CCL28: variants seen among roughly 807,000 people sequenced by gnomAD.
CCL28 encodes the protein C-C motif chemokine 28.
A neutral mutation model predicts 7.1 loss-of-function variants in CCL28; 4 were observed. The ratio of observed to expected loss-of-function variants is 0.56; its 90% confidence interval spans 0.28 to 1.29. CCL28 has a LOEUF of 1.29. Among genes scored for constraint, CCL28 ranks in the 50% most tolerant of loss-of-function variants. CCL28 has a pLI of 0.11. For synonymous variants in CCL28, 55 were observed against 57.8 expected, an observed-to-expected ratio of 0.95 and a Z score of 0.22; for missense variants, 151 against 163.4, an observed-to-expected ratio of 0.92 and a Z score of 0.41.
intron 1 of CCL28, among the ~76,000 whole-genome samples, chr5:43,410,243 A>C (rs551598256): frequency 6.2e-4 from 95 of 152,274 alleles, no homozygotes; most frequent in Non-Finnish European, 7.6e-4. Flanking sequence ...AGAATCACTT[A>C]AGTGCCTCCC....
At chr5:43,359,189 GAGAAAGACAC>G in the CCL28 span, among the ~76,000 whole-genome samples, 2 of 152,190 alleles carry the variant, frequency 1.3e-5, no homozygotes, top group Admixed American at 6.5e-5. Context: ...GAAGAATTAA[GAGAAAGACAC>G]AGAAATATAG....
At chr5:43,369,286 G>T in the CCL28 span, among the ~76,000 whole-genome samples, 76,862 of 151,878 alleles carry the variant, frequency 0.51, 19,989 homozygotes, top group Middle Eastern at 0.62. Context: ...CTCATTAGTT[G>T]GTTAATTTCT....
intron 1 of CCL28, among the ~76,000 whole-genome samples, chr5:43,406,834 C>T (rs888036102): frequency 6.6e-6 from 1 of 152,088 alleles, no homozygotes; most frequent in Non-Finnish European, 1.5e-5. Flanking sequence ...ACAAGCATTC[C>T]TATACACCAA....
chr5:43,369,314 T>C, the CCL28 span, among the ~76,000 whole-genome samples: 1 of 152,210 alleles, frequency 6.6e-6, no homozygotes, highest in Admixed American at 6.5e-5. Flanking sequence ...CTAAAGCTGA[T>C]CTTAAAAAAT....
In CCL28 at chr5:43,382,064, G is replaced by T; in HGVS notation, c.192-12C>A. Reference sequence around the variant, plus strand: ...GCTTGACATGAAGGCTGTTAGAAAAGGAAGCAAAAGAAAGTCACTGATATA... The same window carrying T: ...GCTTGACATGAAGGCTGTTAGAAAATGAAGCAAAAGAAAGTCACTGATATA... On this transcript the variant is annotated splice_polypyrimidine_tract_variant and intron_variant, in intron 2 of 2. Transcript: ENST00000361115. 1.3e-6 allele frequency: 2 copies of T among 1,593,870 alleles called. No individual in the cohort carries two copies. Among genetic ancestry groups the T allele is most frequent in the Non-Finnish European group, 1.7e-6 (2 of 1,169,744 alleles).
chr5:43,409,497 C>T (rs532728604), intron 1 of CCL28, among the ~76,000 whole-genome samples: 105 of 152,192 alleles, frequency 6.9e-4, no homozygotes, highest in African/African-American at 2.3e-3. Flanking sequence ...TATGTCAGAC[C>T]TCTTAGGGAC....
intron 2 of CCL28, among the ~76,000 whole-genome samples, chr5:43,387,019 C>T (rs893268358): frequency 2.0e-5 from 3 of 152,184 alleles, no homozygotes; most frequent in African/African-American, 4.8e-5. Context: ...TTCTGAGTGA[C>T]TCAGGAGCTC....
chr5:43,408,443 A>G (rs921856302), intron 1 of CCL28, among the ~76,000 whole-genome samples: 1 of 152,196 alleles, frequency 6.6e-6, no homozygotes, highest in Admixed American at 6.5e-5. Context: ...GAACAGTGAG[A>G]ACACTTGGAC....
chr5:43,368,757 G>A, the CCL28 span, among the ~76,000 whole-genome samples: 1 of 152,094 alleles, frequency 6.6e-6, no homozygotes, highest in African/African-American at 2.4e-5. Context: ...ATGATGTGAA[G>A]GGACACTGGG....
At chr5:43,403,446 GGTCCTGACT>G (rs1433872149) in intron 1 of CCL28, among the ~76,000 whole-genome samples, 1 of 152,138 alleles carries the variant, frequency 6.6e-6, no homozygotes, top group African/African-American at 2.4e-5. Flanking sequence ...TGCAGCTGAG[GGTCCTGACT>G]GTCAGAAGGA....
rs1173430428 is a variant in CCL28 at position 43,379,452 on chromosome 5, T to C, written c.*2408A>G. The C allele has an allele frequency of 7.9e-5, 12 of 152,184 alleles. No individual in the cohort carries two copies. The allele number at this position is 152,184 out of a possible 1,614,324, so 9.4% of individuals were successfully genotyped here. A position where few individuals can be genotyped will look rare whatever the true frequency, so the allele number is the denominator to read the frequency against. ...TTCCTGTGTGACCTGGGCAAGTCAT[T>C]TTACCTCTAAGAGCCTCAAATTTCC... On this transcript the variant is annotated 3_prime_UTR_variant, in exon 3 of 3. Transcript: ENST00000361115.
chr5:43,408,893 C>A (rs1244394187), intron 1 of CCL28, among the ~76,000 whole-genome samples: 1 of 141,896 alleles, frequency 7.0e-6, no homozygotes, highest in East Asian at 2.0e-4. Flanking sequence ...TAATTTTTTA[C>A]TTTTTTTTTT....
chr5:43,397,479 A>ACC (rs917145471), intron 1 of CCL28, among the ~76,000 whole-genome samples: 1 of 151,886 alleles, frequency 6.6e-6, no homozygotes, highest in African/African-American at 2.4e-5. Context: ...ACGCCCAAGT[A>ACC]CCCTCCTGGT....
Position 43,410,330 on chromosome 5 carries a change from G to A in CCL28, c.64+1923C>T, listed in dbSNP as rs528242956. Among the ~76,000 whole-genome samples the A allele has an allele frequency of 1.7e-3, 255 of 152,270 alleles. 1 individual carries two copies. Among genetic ancestry groups the A allele is most frequent in the Non-Finnish European group, 2.4e-3 (161 of 68,028 alleles). On this transcript the variant is annotated intron_variant, in intron 1 of 2. Coordinates refer to ENST00000361115, the MANE Select transcript of CCL28 (RefSeq NM_148672.3). ...CTGTGGCGTTGCCCCTCTATTCCAC[G>A]ACTGTTCTCAGGCCTACTTGTGTAT...
chr5:43,377,957 C>T (rs569744302), downstream of CCL28, among the ~76,000 whole-genome samples: 12 of 135,346 alleles, frequency 8.9e-5, no homozygotes, highest in East Asian at 5.9e-4. Context: ...TGGTCTCGAT[C>T]TCCTGACCTC....
chr5:43,407,662 G>T (rs1741345774), intron 1 of CCL28, among the ~76,000 whole-genome samples: 1 of 152,170 alleles, frequency 6.6e-6, no homozygotes, highest in Non-Finnish European at 1.5e-5. Context: ...TTAAACCAAA[G>T]AACTTGTGCA....
intron 2 of CCL28, among the ~76,000 whole-genome samples, chr5:43,382,913 G>A (rs1166825070): frequency 1.3e-5 from 2 of 151,894 alleles, no homozygotes; most frequent in African/African-American, 4.8e-5. Context: ...CCGTCTCCCG[G>A]GTTCAAGTGA....
At chr5:43,365,763 G>A in the CCL28 span, among the ~76,000 whole-genome samples, 2 of 152,148 alleles carry the variant, frequency 1.3e-5, no homozygotes, top group African/African-American at 2.4e-5. Flanking sequence ...TTTCCAACTT[G>A]GTTCTATTCT....
chr5:43,404,447 C>T (rs905996409), intron 1 of CCL28, among the ~76,000 whole-genome samples: 11 of 152,140 alleles, frequency 7.2e-5, no homozygotes, highest in Non-Finnish European at 1.5e-4. Context: ...CCTTTACAGA[C>T]AAGCAAATGC....
Sources: allele counts gnomAD v4.1 joint callset (sites outside exome capture counted in the v4.1 genomes callset), GRCh38; gene constraint gnomAD v4.1.1; transcripts MANE v1.5; gene names NCBI Gene and HGNC (gene_info 2026-07-23, HGNC 2026-07-21).